SORCS3: variants seen among roughly 807,000 people sequenced by gnomAD.
SORCS3 encodes the protein VPS10 domain-containing receptor SorCS3.
Under a neutral mutation model 146.3 loss-of-function variants are expected in SORCS3, and 57 were observed. The ratio of observed to expected loss-of-function variants is 0.39; its 90% CI spans 0.31 to 0.49. The LOEUF (loss-of-function observed/expected upper bound fraction) is 0.49, where lower values mean the gene tolerates loss of function less well. Ranked by LOEUF, SORCS3 falls within the 20% of genes least tolerant of loss-of-function variation. The pLI is 0.92. For missense variants in SORCS3, 1,341 were observed against 1,575.5 expected (o/e 0.85, Z 2.52); for synonymous variants, 653 against 618.5 (o/e 1.06, Z -0.83).
At chr10:105,017,570 G>T (rs534139380) in intron 4 of SORCS3, among the ~76,000 whole-genome samples, 162 of 152,248 alleles carry the variant, frequency 1.1e-3, no homozygotes, top group South Asian at 6.0e-3. Flanking sequence ...ATTATTATTA[G>T]TAGTATTATT....
intron 2 of SORCS3, among the ~76,000 whole-genome samples, chr10:104,882,665 C>G (rs2018643006): frequency 1.3e-5 from 2 of 152,082 alleles, no homozygotes; most frequent in South Asian, 4.1e-4. Context: ...CAGATGGCCA[C>G]TCCTATACCC....
chr10:104,929,373 G>T (rs2019182686), intron 3 of SORCS3, among the ~76,000 whole-genome samples: 1 of 152,078 alleles, frequency 6.6e-6, no homozygotes. Flanking sequence ...AATGTAGCTG[G>T]CTTTTCTATT....
At chr10:105,038,768 CAT>C (rs555536599) in intron 4 of SORCS3, among the ~76,000 whole-genome samples, 125 of 152,156 alleles carry the variant, frequency 8.2e-4, no homozygotes, top group Admixed American at 1.6e-3. Context: ...TGTTTTATAA[CAT>C]ATTTTTAAAT....
intron 7 of SORCS3, among the ~76,000 whole-genome samples, chr10:105,111,162 CT>C (rs1225399087): frequency 6.2e-4 from 94 of 152,224 alleles, no homozygotes; most frequent in African/African-American, 1.9e-3. Flanking sequence ...CTGTATATGC[CT>C]TTCTTATATA....
intron 1 of SORCS3, among the ~76,000 whole-genome samples, chr10:104,784,207 G>A (rs1285312596): frequency 2.6e-5 from 4 of 152,144 alleles, no homozygotes; most frequent in Admixed American, 2.0e-4. Context: ...TTCTCACCTC[G>A]GGTGATTTTG....
chr10:105,118,473 A>G (rs2055908489), intron 7 of SORCS3, among the ~76,000 whole-genome samples: 1 of 152,186 alleles, frequency 6.6e-6, no homozygotes, highest in Non-Finnish European at 1.5e-5. Context: ...AATTGGTACT[A>G]CAGAGAGTGG....
intron 3 of SORCS3, among the ~76,000 whole-genome samples, chr10:104,950,175 A>G (rs2019413594): frequency 6.6e-6 from 1 of 152,156 alleles, no homozygotes; most frequent in Non-Finnish European, 1.5e-5. Context: ...TTAATCCTTT[A>G]CTTCACTCAA....
intron 23 of SORCS3, among the ~76,000 whole-genome samples, chr10:105,254,090 T>C (rs2056916705): frequency 6.6e-6 from 1 of 152,228 alleles, no homozygotes; most frequent in Admixed American, 6.5e-5. Flanking sequence ...ATTAAATCGA[T>C]GTTATGTGTT....
chr10:104,730,804 C>T (rs904131560), intron 1 of SORCS3, among the ~76,000 whole-genome samples: 3 of 152,204 alleles, frequency 2.0e-5, no homozygotes, highest in African/African-American at 7.2e-5. Context: ...TATAAAACCA[C>T]CAGATCTCTT....
At chr10:104,879,053 A>C (rs993438733) in intron 2 of SORCS3, among the ~76,000 whole-genome samples, 2 of 152,246 alleles carry the variant, frequency 1.3e-5, no homozygotes, top group Non-Finnish European at 2.9e-5. Context: ...GCTACAAGTT[A>C]GGATTCAACT....
rs900990069 is a variant in SORCS3 at position 104,831,364 on chromosome 10, G to A, written c.628-11428G>A. On this transcript the variant is annotated intron_variant, in intron 1 of 26. Transcript: ENST00000369701. ...TAGGAGAAAAGAGAGTAACTTATGG[G>A]CACCATCTATTTATCTGTTTTGCCC... 3.3e-5 allele frequency among the ~76,000 whole-genome samples: 5 copies of A among 152,260 alleles called. No homozygotes were observed. The South Asian group carries it at 1.0e-3, about 32-fold the overall frequency.
chr10:104,924,050 A>C (rs902400189), intron 3 of SORCS3, among the ~76,000 whole-genome samples: 2 of 152,208 alleles, frequency 1.3e-5, no homozygotes, highest in Non-Finnish European at 2.9e-5. Flanking sequence ...GATATTTGGT[A>C]CTGAGATGTT....
At chr10:104,837,470 A>G (rs1211945163) in intron 1 of SORCS3, among the ~76,000 whole-genome samples, 1 of 152,168 alleles carries the variant, frequency 6.6e-6, no homozygotes, top group Non-Finnish European at 1.5e-5. Context: ...GCTATTACTC[A>G]TGAATTATTC....
intron 1 of SORCS3, among the ~76,000 whole-genome samples, chr10:104,662,765 G>A (rs2015718756): frequency 6.6e-6 from 1 of 152,136 alleles, no homozygotes; most frequent in Admixed American, 6.5e-5. Flanking sequence ...GAAGTAATAG[G>A]GTGTTTTTCG....
chr10:104,805,196 G>T (rs961908374), intron 1 of SORCS3, among the ~76,000 whole-genome samples: 7 of 152,214 alleles, frequency 4.6e-5, no homozygotes, highest in Non-Finnish European at 8.8e-5. Flanking sequence ...AATACAATGA[G>T]AATGTTATTG....
chr10:104,931,833 G>A (rs1363827664), intron 3 of SORCS3, among the ~76,000 whole-genome samples: 1 of 152,182 alleles, frequency 6.6e-6, no homozygotes, highest in African/African-American at 2.4e-5. Flanking sequence ...CAGACAAGAA[G>A]GACAGTCACA....
chr10:104,958,036 A>G (rs2019515495), intron 3 of SORCS3, among the ~76,000 whole-genome samples: 3 of 152,116 alleles, frequency 2.0e-5, no homozygotes, highest in Non-Finnish European at 4.4e-5. Flanking sequence ...ACCCACGGAG[A>G]AGACCTGTTA....
At chr10:105,259,059 A>G (rs1271494529) in intron 25 of SORCS3, among the ~76,000 whole-genome samples, 2 of 152,150 alleles carry the variant, frequency 1.3e-5, no homozygotes, top group Non-Finnish European at 2.9e-5. Flanking sequence ...CTGGCTCACA[A>G]CAAGTACGTA....
chr10:105,056,662 A>G (rs780212885), intron 5 of SORCS3, among the ~76,000 whole-genome samples: 1 of 152,212 alleles, frequency 6.6e-6, no homozygotes, highest in Non-Finnish European at 1.5e-5. Flanking sequence ...CTTATGACAG[A>G]TGCAAATCTT....
Sources: allele counts gnomAD v4.1 joint callset (sites outside exome capture counted in the v4.1 genomes callset), GRCh38; gene constraint gnomAD v4.1.1; transcripts MANE v1.5; gene names NCBI Gene and HGNC (gene_info 2026-07-23, HGNC 2026-07-21).